The following SLC44A2 variants were observed in gnomAD, a reference collection of about 807,000 sequenced individuals.
SLC44A2 encodes choline transporter-like protein 2.
A neutral mutation model predicts 90.8 loss-of-function variants in SLC44A2; 57 were observed. The ratio of observed to expected loss-of-function variants is 0.63; its 90% CI spans 0.51 to 0.78. The LOEUF (loss-of-function observed/expected upper bound fraction) is 0.78. Among genes scored for constraint, SLC44A2 ranks in the 30% least tolerant of loss-of-function variants. The pLI, the probability that SLC44A2 is intolerant of heterozygous loss-of-function variation, is 0.00. For synonymous variants in SLC44A2, 355 were observed against 360.7 expected (o/e 0.98, Z 0.18); for missense variants, 794 against 919.7 (o/e 0.86, Z 1.77).
upstream of SLC44A2, among the ~76,000 whole-genome samples, chr19:10,622,233 T>G (rs1374755963): frequency 6.6e-6 from 1 of 151,734 alleles, no homozygotes; most frequent in African/African-American, 2.4e-5. Flanking sequence ...GAGTAAGCCA[T>G]GGAGAGAGAG....
At chr19:10,619,720 G>A (rs370001625) in intron 1 of SLC44A2, among the ~76,000 whole-genome samples, 5 of 152,212 alleles carry the variant, frequency 3.3e-5, no homozygotes, top group South Asian at 4.1e-4. Context: ...TCCAGAGGCC[G>A]AGGCAGGCGG....
In SLC44A2 at chr19:10,636,642, A is replaced by G. The variant is rs2067058696; in HGVS notation, c.1497-20A>G. Reference sequence around the variant, plus strand: ...AGGACGAGGCCTGGCCCAGCCACCGACCACTCCCTCGGCCCGCAGGTACCA... The same window carrying G: ...AGGACGAGGCCTGGCCCAGCCACCGGCCACTCCCTCGGCCCGCAGGTACCA... On this transcript the variant is annotated intron_variant, in intron 15 of 21. Coordinates refer to ENST00000335757, the MANE Select transcript of SLC44A2 (RefSeq NM_020428.4). The G allele has an allele frequency of 6.2e-6, 10 of 1,608,656 alleles. No individual in the cohort carries two copies. The highest frequency in any genetic ancestry group is 8.5e-6 in the Non-Finnish European group (10 of 1,178,316).
intron 16 of SLC44A2, chr19:10,637,230 C>T: frequency 4.4e-6 from 1 of 227,882 alleles, no homozygotes; most frequent in Non-Finnish European, 8.8e-6. Flanking sequence ...TGTGCGTCTG[C>T]AGTCCTAGCT....
intron 1 of SLC44A2, among the ~76,000 whole-genome samples, chr19:10,613,547 G>A (rs2066830660): frequency 6.6e-6 from 1 of 152,108 alleles, no homozygotes; most frequent in Admixed American, 6.6e-5. Flanking sequence ...CACTGCGCCT[G>A]GCCAAGTTGA....
chr19:10,619,630 G>A (rs547814434), intron 1 of SLC44A2, among the ~76,000 whole-genome samples: 3 of 151,926 alleles, frequency 2.0e-5, no homozygotes, highest in Non-Finnish European at 4.4e-5. Flanking sequence ...CAGCCACTAC[G>A]CCTGGCCTGA....
At chr19:10,618,958 CTTT>C (rs772955506) in intron 1 of SLC44A2, among the ~76,000 whole-genome samples, 1 of 100,084 alleles carries the variant, frequency 1.0e-5, no homozygotes. Flanking sequence ...GTATACAATT[CTTT>C]TTTTTTTTTT....
chr19:10,604,117 G>C (rs1233077584), intron 1 of SLC44A2, among the ~76,000 whole-genome samples: 1 of 152,194 alleles, frequency 6.6e-6, no homozygotes, highest in African/African-American at 2.4e-5. Context: ...AAACCCAGCA[G>C]TGAATAGACC....
At chr19:10,613,588 T>C (rs1443203770) in intron 1 of SLC44A2, among the ~76,000 whole-genome samples, 1 of 152,112 alleles carries the variant, frequency 6.6e-6, no homozygotes, top group Non-Finnish European at 1.5e-5. Flanking sequence ...GGCTCATGCC[T>C]GTAGTTCAAG....
At chr19:10,624,738 C>T (rs1054060534), upstream of SLC44A2, among the ~76,000 whole-genome samples, 4 of 152,156 alleles carry the variant, frequency 2.6e-5, no homozygotes, top group African/African-American at 7.2e-5. Flanking sequence ...TCAGGGCGAC[C>T]CAGGAGGATG....
intron 1 of SLC44A2, among the ~76,000 whole-genome samples, chr19:10,606,943 G>A (rs1406252472): frequency 3.0e-5 from 4 of 134,746 alleles, no homozygotes; most frequent in East Asian, 4.3e-4. Flanking sequence ...ACGGAGTCTC[G>A]CTCTGTCGCC....
intron 1 of SLC44A2, among the ~76,000 whole-genome samples, chr19:10,619,968 A>T (rs2066884868): frequency 6.6e-6 from 1 of 151,904 alleles, no homozygotes; most frequent in South Asian, 2.1e-4. Context: ...AAAAATCTGC[A>T]AATCTCCAAC....
intron 1 of SLC44A2, among the ~76,000 whole-genome samples, chr19:10,606,980 C>T (rs191480326): frequency 0.018 from 2,675 of 145,704 alleles, 45 homozygotes; most frequent in Non-Finnish European, 0.028. Flanking sequence ...GACACGGTCT[C>T]GGCTCACTGC....
At chr19:10,605,455 G>A (rs542317267) in intron 1 of SLC44A2, among the ~76,000 whole-genome samples, 6 of 151,570 alleles carry the variant, frequency 4.0e-5, no homozygotes, top group African/African-American at 1.5e-4. Flanking sequence ...CAGAGGTTGC[G>A]GTGAGCCGAG....
chr19:10,621,990 G>A (rs1430440703), upstream of SLC44A2, among the ~76,000 whole-genome samples: 1 of 152,158 alleles, frequency 6.6e-6, no homozygotes, highest in Non-Finnish European at 1.5e-5. Context: ...TCGAACTACT[G>A]GCCTCCAGTG....
intron 1 of SLC44A2, among the ~76,000 whole-genome samples, chr19:10,609,978 G>A (rs1568442135): frequency 6.6e-6 from 1 of 151,186 alleles, no homozygotes; most frequent in Admixed American, 6.6e-5. Context: ...GCTAATTTTT[G>A]TATTTTTAGT....
intron 1 of SLC44A2, among the ~76,000 whole-genome samples, chr19:10,614,169 G>A (rs1021109479): frequency 3.3e-5 from 5 of 152,096 alleles, no homozygotes; most frequent in East Asian, 1.9e-4. Flanking sequence ...GTTTCACCAC[G>A]TTGGCCACGC....
chr19:10,635,126 C>G, intron 12 of SLC44A2, 37 bp from the exon 13 acceptor site: 1 of 1,613,824 alleles, frequency 6.2e-7, no homozygotes, highest in Non-Finnish European at 8.5e-7. Context: ...AGAGTTGTGT[C>G]TTTTGCCCTG....
At chr19:10,634,273 C>G (rs554650489) in intron 10 of SLC44A2, among the ~76,000 whole-genome samples, 1 of 149,530 alleles carries the variant, frequency 6.7e-6, no homozygotes, top group Non-Finnish European at 1.5e-5. Context: ...CAGGCGTGAG[C>G]CACCGCGCCC....
intron 2 of SLC44A2, 31 bp from the exon 3 acceptor site, chr19:10,627,691 C>T (rs746912382): frequency 2.5e-6 from 4 of 1,610,592 alleles, no homozygotes; most frequent in South Asian, 2.2e-5. Flanking sequence ...AGCACCAAGC[C>T]TCCTCCAAAC....
Sources: allele counts gnomAD v4.1 joint callset (sites outside exome capture counted in the v4.1 genomes callset), GRCh38; gene constraint gnomAD v4.1.1; transcripts MANE v1.5; gene names NCBI Gene and HGNC (gene_info 2026-07-23, HGNC 2026-07-21).